SCOC: variants seen among roughly 807,000 people sequenced by gnomAD.
The protein encoded by SCOC is short coiled-coil protein, also known as short coiled coil protein.
A neutral mutation model predicts 9.9 loss-of-function variants in SCOC; 7 were observed. That is an observed-to-expected ratio of 0.71 (90% CI 0.40 to 1.33). SCOC has a LOEUF of 1.33. Ranked by LOEUF, SCOC falls within the 40% of genes most tolerant of loss-of-function variation. The probability of loss-of-function intolerance (pLI) is 0.01; values close to 1 mark genes in which losing one functional copy is unlikely to be tolerated. For synonymous variants in SCOC, 19 were observed against 28.2 expected (o/e 0.67, Z 1.03); for missense variants, 66 against 89.7 (o/e 0.74, Z 1.07).
intron 2 of SCOC, among the ~76,000 whole-genome samples, chr4:140,364,534 G>A (rs57996432): frequency 0.01 from 1,531 of 152,282 alleles, 24 homozygotes; most frequent in African/African-American, 0.035. Flanking sequence ...AGGATTTAAG[G>A]CAGGAAGGGA....
chr4:140,343,202 C>A (rs1328490824), upstream of SCOC, among the ~76,000 whole-genome samples: 1 of 152,200 alleles, frequency 6.6e-6, no homozygotes, highest in Admixed American at 6.5e-5. Context: ...ACCCCCAGGT[C>A]ATGCTCTGGT....
intron 1 of SCOC, among the ~76,000 whole-genome samples, chr4:140,336,169 A>C (rs1732951530): frequency 6.6e-6 from 1 of 152,208 alleles, no homozygotes; most frequent in South Asian, 2.1e-4. Context: ...CAGGGACACC[A>C]TGGATAATTT....
At chr4:140,298,133 G>T (rs546356338) in intron 1 of SCOC, among the ~76,000 whole-genome samples, 1 of 152,294 alleles carries the variant, frequency 6.6e-6, no homozygotes, top group East Asian at 1.9e-4. Context: ...CGCCATCCAT[G>T]CTGGCCTCCC....
At chr4:140,341,707 A>G (rs1038342879), upstream of SCOC, among the ~76,000 whole-genome samples, 5 of 152,158 alleles carry the variant, frequency 3.3e-5, no homozygotes, top group Admixed American at 6.5e-5. Context: ...AACTACAGGG[A>G]GTGTAACTAA....
At chr4:140,287,814 C>T (rs921703179) in intron 1 of SCOC, among the ~76,000 whole-genome samples, 4 of 152,006 alleles carry the variant, frequency 2.6e-5, no homozygotes, top group African/African-American at 4.8e-5. Context: ...TATACATATA[C>T]CACACACATA....
chr4:140,379,299 G>C (rs1578888626), intron 2 of SCOC, 107 bp downstream of exon 2: 1 of 822,978 alleles, frequency 1.2e-6, no homozygotes, highest in East Asian at 2.4e-5. Flanking sequence ...CTTTGATCTT[G>C]GCTAATTACT....
intron 1 of SCOC, 21 bp downstream of exon 1, chr4:140,373,738 C>A: frequency 1.9e-6 from 3 of 1,540,838 alleles, no homozygotes. Context: ...TCCCGGGCAG[C>A]GGAGGGCCTG....
At chr4:140,311,972 A>G (rs1732169868) in intron 1 of SCOC, among the ~76,000 whole-genome samples, 1 of 152,202 alleles carries the variant, frequency 6.6e-6, no homozygotes, top group East Asian at 1.9e-4. Flanking sequence ...CGTACTTTAA[A>G]AATAATTTTG....
intron 1 of SCOC, among the ~76,000 whole-genome samples, chr4:140,279,059 C>A (rs146581487): frequency 6.6e-6 from 1 of 152,308 alleles, no homozygotes; most frequent in Admixed American, 6.5e-5. Flanking sequence ...TCTCCCTGTT[C>A]CTCTGCACTT....
intron 1 of SCOC, among the ~76,000 whole-genome samples, chr4:140,269,871 C>T (rs1185636915): frequency 6.6e-6 from 1 of 152,158 alleles, no homozygotes; most frequent in Non-Finnish European, 1.5e-5. Flanking sequence ...CCACCTCAGC[C>T]TCCCAAGTAG....
At chr4:140,293,258 T>C (rs1258010395) in intron 1 of SCOC, 3 of 455,736 alleles carry the variant, frequency 6.6e-6, no homozygotes, top group African/African-American at 6.0e-5. Context: ...ATACCCCACA[T>C]ACCACTCAAG....
At chr4:140,287,198 C>A (rs911102301) in intron 1 of SCOC, among the ~76,000 whole-genome samples, 1 of 151,638 alleles carries the variant, frequency 6.6e-6, no homozygotes, top group Non-Finnish European at 1.5e-5. Context: ...TACACACACA[C>A]ATCATGTGCA....
intron 1 of SCOC, among the ~76,000 whole-genome samples, chr4:140,310,599 A>G (rs1027807700): frequency 6.6e-6 from 1 of 152,140 alleles, no homozygotes; most frequent in Non-Finnish European, 1.5e-5. Flanking sequence ...CCTGCTTTGG[A>G]CAATATGATA....
intron 1 of SCOC, among the ~76,000 whole-genome samples, chr4:140,269,472 C>T (rs913513656): frequency 4.6e-5 from 7 of 151,980 alleles, no homozygotes; most frequent in African/African-American, 1.5e-4. Flanking sequence ...CTGACAGTCT[C>T]GGAGGAGCTC....
At chr4:140,290,376 A>T (rs759199123) in intron 1 of SCOC, among the ~76,000 whole-genome samples, 1 of 152,168 alleles carries the variant, frequency 6.6e-6, no homozygotes. Flanking sequence ...GACAAGAGGT[A>T]AGAGCTGGGG....
chr4:140,340,098 A>C (rs1387911120), upstream of SCOC, among the ~76,000 whole-genome samples: 1 of 152,262 alleles, frequency 6.6e-6, no homozygotes, highest in African/African-American at 2.4e-5. Context: ...TGGCACATAT[A>C]CACCATGGAA....
chr4:140,341,949 T>TCTTCA (rs1429841200), upstream of SCOC, among the ~76,000 whole-genome samples: 3 of 152,268 alleles, frequency 2.0e-5, no homozygotes, highest in East Asian at 3.9e-4. Flanking sequence ...TTCCACTTTG[T>TCTTCA]CTTCACTTCA....
intron 1 of SCOC, among the ~76,000 whole-genome samples, chr4:140,263,590 G>A (rs926043041): frequency 2.6e-5 from 4 of 152,224 alleles, no homozygotes; most frequent in African/African-American, 7.2e-5. Flanking sequence ...GCAAATGGAA[G>A]AACTCGGTGA....
intron 2 of SCOC, chr4:140,360,883 G>T (rs1255644088): frequency 6.6e-6 from 1 of 152,156 alleles, no homozygotes; most frequent in East Asian, 1.9e-4. Context: ...GATGCTTCCT[G>T]AATCTCCAGC....
Sources: gnomAD v4.1 joint callset for allele counts (sites outside exome capture counted in the v4.1 genomes callset) on GRCh38, gnomAD v4.1.1 for gene constraint, MANE v1.5 for transcripts, NCBI Gene and HGNC (gene_info 2026-07-23, HGNC 2026-07-21) for gene names.